The following MYT1L variants were observed in gnomAD, a reference collection of about 807,000 sequenced individuals.
MYT1L encodes the protein myelin transcription factor 1-like protein.
Under a neutral mutation model 126.7 loss-of-function variants are expected in MYT1L, and 12 were observed. The ratio of observed to expected loss-of-function variants is 0.09; its 90% CI spans 0.06 to 0.15. MYT1L has a LOEUF of 0.15. MYT1L is among the 10% of genes least tolerant of loss of function. The pLI is 1.00. For missense variants in MYT1L, 979 were observed against 1,585.2 expected (o/e 0.62, Z 6.49); for synonymous variants, 541 against 604.2 (o/e 0.90, Z 1.53).
At chr2:2,275,765 A>G (rs766923360) in intron 2 of MYT1L, among the ~76,000 whole-genome samples, 1 of 152,170 alleles carries the variant, frequency 6.6e-6, no homozygotes, top group Non-Finnish European at 1.5e-5. Flanking sequence ...TGAACTTTGC[A>G]TGGGTTGATG....
At chr2:2,020,144 C>T (rs181953737) in intron 4 of MYT1L, among the ~76,000 whole-genome samples, 10 of 152,236 alleles carry the variant, frequency 6.6e-5, no homozygotes, top group African/African-American at 2.4e-4. Flanking sequence ...CATGCCCAGC[C>T]GCCAGTGTAA....
At position 1,806,017 on chromosome 2, in the gene MYT1L, A is replaced by G. The variant is rs2035646552; in HGVS notation, c.3172+3059T>C. 7.2e-6 allele frequency among the ~76,000 whole-genome samples: 1 copy of G among 139,664 alleles called. No individual in the cohort carries two copies. 91.6% of individuals were successfully genotyped at this position (139,664 alleles called of 152,430 possible). A position where few individuals can be genotyped will look rare whatever the true frequency, so the allele number is the denominator to read the frequency against. The stretch of plus-strand genomic sequence containing the variant: ...CTCTGTCCCCTGAAGAGCATCAGGA[A>G]TTGGATGCTGTGCCTCTGTCCCCTG... On this transcript the variant is annotated intron_variant, in intron 22 of 24. Coordinates refer to ENST00000647738, the MANE Select transcript of MYT1L (RefSeq NM_001303052.2). The surrounding 1 kb of genome is among the most constrained non-coding windows in gnomAD (Gnocchi z 4.9).
chr2:2,068,218 C>T (rs574338904), intron 3 of MYT1L, among the ~76,000 whole-genome samples: 33 of 152,086 alleles, frequency 2.2e-4, no homozygotes, highest in Non-Finnish European at 4.1e-4. Context: ...GAGCTGAGGA[C>T]ATGAGGAGCT....
chr2:1,989,093 T>TCCTACAGCC (rs1296692221), intron 5 of MYT1L, among the ~76,000 whole-genome samples: 1 of 152,150 alleles, frequency 6.6e-6, no homozygotes, highest in African/African-American at 2.4e-5. Flanking sequence ...TCTCCAGGAC[T>TCCTACAGCC]CCTACAGCCA....
intron 18 of MYT1L, among the ~76,000 whole-genome samples, chr2:1,880,965 T>C (rs2047457257): frequency 6.6e-6 from 1 of 152,152 alleles, no homozygotes; most frequent in Non-Finnish European, 1.5e-5. Context: ...CTGGAGAACT[T>C]TAGGAATGTT....
At chr2:2,141,220 T>G (rs578085921) in intron 3 of MYT1L, among the ~76,000 whole-genome samples, 8 of 152,222 alleles carry the variant, frequency 5.3e-5, no homozygotes, top group Non-Finnish European at 1.0e-4. Flanking sequence ...GCATGCATAA[T>G]CATAAAAATA....
At chr2:2,238,586 G>A (rs1294082156) in intron 2 of MYT1L, among the ~76,000 whole-genome samples, 2 of 152,190 alleles carry the variant, frequency 1.3e-5, no homozygotes, top group East Asian at 3.9e-4. Flanking sequence ...AACAGGGAAC[G>A]CTAAGGGATC....
chr2:2,278,700 T>A (rs898089904), intron 2 of MYT1L, among the ~76,000 whole-genome samples: 1 of 152,236 alleles, frequency 6.6e-6, no homozygotes, highest in Admixed American at 6.5e-5. Flanking sequence ...ATCATGTAGA[T>A]GTTTTAAATA....
chr2:2,241,940 G>C (rs1447220807), intron 2 of MYT1L, among the ~76,000 whole-genome samples: 1 of 151,674 alleles, frequency 6.6e-6, no homozygotes, highest in Non-Finnish European at 1.5e-5. Flanking sequence ...GGTGTGTCTA[G>C]ACACACACAC....
intron 2 of MYT1L, among the ~76,000 whole-genome samples, chr2:2,267,586 TAGG>T (rs2095165052): frequency 1.3e-5 from 2 of 152,108 alleles, no homozygotes; most frequent in South Asian, 4.1e-4. Context: ...GGCTGGGTTT[TAGG>T]AGAAGGGGAC....
chr2:1,934,546 A>G (rs1175566101), intron 9 of MYT1L, among the ~76,000 whole-genome samples: 1 of 151,992 alleles, frequency 6.6e-6, no homozygotes, highest in Non-Finnish European at 1.5e-5. Context: ...TACATAAATT[A>G]AGGGATTAAA....
At chr2:1,810,519 G>A (rs2036443103) in intron 21 of MYT1L, among the ~76,000 whole-genome samples, 1 of 152,160 alleles carries the variant, frequency 6.6e-6, no homozygotes, top group African/African-American at 2.4e-5. Flanking sequence ...TATATGAAGT[G>A]TTAGATGGAC....
intron 23 of MYT1L, among the ~76,000 whole-genome samples, chr2:1,798,050 T>C (rs868202255): frequency 1.3e-4 from 4 of 31,262 alleles, no homozygotes; most frequent in Non-Finnish European, 1.9e-4. Context: ...GTCTCCCCCT[T>C]CTCCGGCACA....
rs2058107577 is a variant in MYT1L at position 1,953,892 on chromosome 2, T to C, written c.153-10558A>G. On this transcript the variant is annotated intron_variant, in intron 8 of 24. Coordinates refer to ENST00000647738, the MANE Select transcript of MYT1L (RefSeq NM_001303052.2). ...ATTCTAACCACCTACCTCATGGCAG[T>C]GAGATTGGCCAACTAAGCTGCTGTA... 2.6e-5 allele frequency among the ~76,000 whole-genome samples: 4 copies of C among 152,266 alleles called. No homozygotes were observed. The South Asian group carries it at 6.2e-4, about 24-fold the overall frequency.
Position 2,222,628 on chromosome 2 carries a change from T to C in MYT1L, c.-420-49640A>G, listed in dbSNP as rs17039398. On this transcript the variant is annotated intron_variant, in intron 2 of 24. Transcript: ENST00000647738. ...TTATGATGTTGCCTGGTTCCTTTTTTGGCCATATTATCACAATCCTAAAGA... is the reference window on the plus strand; with the variant it reads ...TTATGATGTTGCCTGGTTCCTTTTTCGGCCATATTATCACAATCCTAAAGA... Among the ~76,000 whole-genome samples the C allele has an allele frequency of 5.9e-3, 894 of 152,314 alleles. 11 individuals carry two copies. The highest frequency in any genetic ancestry group is 0.021 in the African/African-American group (853 of 41,572).
chr2:2,042,595 G>A (rs2067674572), intron 4 of MYT1L, among the ~76,000 whole-genome samples: 1 of 152,068 alleles, frequency 6.6e-6, no homozygotes, highest in Non-Finnish European at 1.5e-5. Context: ...GAAATTTCTT[G>A]TTATGTTGTT....
chr2:2,261,940 T>C (rs2094978602), intron 2 of MYT1L, among the ~76,000 whole-genome samples: 1 of 152,236 alleles, frequency 6.6e-6, no homozygotes, highest in African/African-American at 2.4e-5. Context: ...GATAAAACTT[T>C]AATACTTAAT....
intron 8 of MYT1L, among the ~76,000 whole-genome samples, chr2:1,969,948 G>A (rs1366213347): frequency 2.0e-5 from 3 of 152,180 alleles, no homozygotes; most frequent in African/African-American, 7.2e-5. Flanking sequence ...AGGTACTGCA[G>A]GCAGCAGCAT....
At chr2:2,289,079 G>A (rs115577653) in intron 1 of MYT1L, among the ~76,000 whole-genome samples, 3 of 152,192 alleles carry the variant, frequency 2.0e-5, no homozygotes, top group African/African-American at 7.2e-5. Context: ...ATCACCAAAC[G>A]GAGCCCACGA....
Sources: gnomAD v4.1 joint callset for allele counts (sites outside exome capture counted in the v4.1 genomes callset) on GRCh38, gnomAD v4.1.1 for gene constraint, Gnocchi (gnomAD v3.1) non-coding constraint, MANE v1.5 for transcripts, NCBI Gene and HGNC (gene_info 2026-07-23, HGNC 2026-07-21) for gene names.